The following ADAMTSL1 variants were observed in gnomAD, a reference collection of about 807,000 sequenced individuals.
The protein encoded by ADAMTSL1 is ADAMTS like 1.
In ADAMTSL1, 126 loss-of-function variants were observed where a neutral mutation model predicts 201.8. The observed-to-expected ratio is 0.62, with a 90% CI of 0.54 to 0.72. ADAMTSL1 has a LOEUF of 0.72. Among genes scored for constraint, ADAMTSL1 ranks in the 30% least tolerant of loss-of-function variants. The probability of loss-of-function intolerance (pLI) is 0.00; values close to 1 mark genes in which losing one functional copy is unlikely to be tolerated. For missense variants in ADAMTSL1, 2,679 were observed against 2,277.8 expected (o/e 1.18, Z -3.59); for synonymous variants, 1,121 against 903.4 (o/e 1.24, Z -4.32).
chr9:18,740,492 T>TTTTG (rs1564195531), intron 15 of ADAMTSL1, among the ~76,000 whole-genome samples: 2 of 140,434 alleles, frequency 1.4e-5, no homozygotes, highest in Non-Finnish European at 3.1e-5. Flanking sequence ...TTTTTTTTTT[T>TTTTG]TTTGAGAGGA....
intron 1 of ADAMTSL1, among the ~76,000 whole-genome samples, chr9:18,152,476 T>G (rs1182953264): frequency 1.3e-5 from 2 of 151,914 alleles, no homozygotes; most frequent in Non-Finnish European, 2.9e-5. Context: ...TTAAAAGAAT[T>G]GCAGGGCAAG....
chr9:18,484,019 T>C (rs2131821786), intron 1 of ADAMTSL1, among the ~76,000 whole-genome samples: 1 of 152,344 alleles, frequency 6.6e-6, no homozygotes, highest in Admixed American at 6.5e-5. Flanking sequence ...TGGTGATGTA[T>C]GTGTGAAAAT....
intron 17 of ADAMTSL1, among the ~76,000 whole-genome samples, chr9:18,775,275 T>C (rs531325391): frequency 5.9e-5 from 9 of 152,356 alleles, no homozygotes; most frequent in African/African-American, 2.2e-4. Context: ...AACTACCTAA[T>C]GCTTGACACT....
At chr9:18,765,178 T>A (rs1164764256) in intron 16 of ADAMTSL1, among the ~76,000 whole-genome samples, 1 of 152,214 alleles carries the variant, frequency 6.6e-6, no homozygotes, top group African/African-American at 2.4e-5. Context: ...ACAGAAGCTA[T>A]GTGCTTCATA....
chr9:18,023,495 G>T (rs535087471), intron 1 of ADAMTSL1, among the ~76,000 whole-genome samples: 3 of 152,288 alleles, frequency 2.0e-5, no homozygotes, highest in South Asian at 4.1e-4. Context: ...AGAACCCCAA[G>T]ATCAGCCACT....
chr9:18,096,721 A>G (rs1333894510), intron 1 of ADAMTSL1, among the ~76,000 whole-genome samples: 1 of 152,154 alleles, frequency 6.6e-6, no homozygotes, highest in Non-Finnish European at 1.5e-5. Context: ...TTGTATCATC[A>G]CCATCCAAAT....
In ADAMTSL1 at chr9:17,963,663, C is replaced by T. The variant is rs148664477; in HGVS notation, c.87+56741C>T. ...CAGCTTCCCGTTTTTTAATACGGTT[C>T]ACTTCATTATGTAACATCAAGTAGT... On this transcript the variant is annotated intron_variant, in intron 1 of 29. Transcript: ENST00000680146. 4.7e-3 allele frequency among the ~76,000 whole-genome samples: 718 copies of T among 152,204 alleles called. 7 individuals are homozygous for T. The highest frequency in any genetic ancestry group is 4.9e-3 in the Non-Finnish European group (333 of 68,018).
chr9:18,474,070 A>AC, upstream of ADAMTSL1: 25 of 499,740 alleles, frequency 5.0e-5, no homozygotes, highest in East Asian at 7.3e-5. Flanking sequence ...CTTACCCCCC[A>AC]CCCATCCACC....
intron 2 of ADAMTSL1, among the ~76,000 whole-genome samples, chr9:18,199,798 T>G (rs760901022): frequency 2.6e-5 from 4 of 152,154 alleles, no homozygotes; most frequent in Non-Finnish European, 4.4e-5. Context: ...TCTTCATTAT[T>G]GGTAAAATGT....
intron 2 of ADAMTSL1, among the ~76,000 whole-genome samples, chr9:18,434,488 G>A (rs974202674): frequency 6.6e-6 from 1 of 152,190 alleles, no homozygotes; most frequent in Non-Finnish European, 1.5e-5. Flanking sequence ...CTTTCTATTA[G>A]AGCAGGCAGG....
chr9:18,231,116 A>G (rs572507403), intron 2 of ADAMTSL1, among the ~76,000 whole-genome samples: 70 of 152,042 alleles, frequency 4.6e-4, no homozygotes, highest in African/African-American at 1.6e-3. Flanking sequence ...TTTTATTGCA[A>G]CCCCCGGGCT....
intron 25 of ADAMTSL1, among the ~76,000 whole-genome samples, chr9:18,891,170 C>T (rs546583831): frequency 3.9e-5 from 5 of 128,392 alleles, no homozygotes; most frequent in African/African-American, 1.2e-4. Context: ...CCAGATGTGG[C>T]GCCGCTTGGC....
intron 1 of ADAMTSL1, among the ~76,000 whole-genome samples, chr9:17,986,116 A>C (rs926766924): frequency 6.6e-6 from 1 of 152,154 alleles, no homozygotes; most frequent in Non-Finnish European, 1.5e-5. Context: ...ACACAGATTT[A>C]ATTGTCCTTG....
At chr9:18,368,891 G>A (rs931000831) in intron 2 of ADAMTSL1, among the ~76,000 whole-genome samples, 1 of 152,120 alleles carries the variant, frequency 6.6e-6, no homozygotes, top group Non-Finnish European at 1.5e-5. Flanking sequence ...ATTTTGTGAG[G>A]AAAGTATAAA....
chr9:18,689,742 T>C (rs764994077), intron 13 of ADAMTSL1, among the ~76,000 whole-genome samples: 3 of 152,198 alleles, frequency 2.0e-5, no homozygotes, highest in African/African-American at 4.8e-5. Context: ...GTGGCCAAGA[T>C]AGCAATTTTA....
chr9:18,666,052 C>A (rs1243340141), intron 9 of ADAMTSL1, among the ~76,000 whole-genome samples: 2 of 152,204 alleles, frequency 1.3e-5, no homozygotes, highest in East Asian at 3.9e-4. Flanking sequence ...ATTCTTGGTT[C>A]TCATTCTTCT....
intron 1 of ADAMTSL1, among the ~76,000 whole-genome samples, chr9:17,949,593 A>T (rs1345428953): frequency 6.6e-6 from 1 of 152,184 alleles, no homozygotes; most frequent in Non-Finnish European, 1.5e-5. Context: ...CCTCCAAGCC[A>T]GACCAGCCTA....
chr9:18,563,773 C>G (rs1564051974), intron 3 of ADAMTSL1, among the ~76,000 whole-genome samples: 1 of 152,326 alleles, frequency 6.6e-6, no homozygotes, highest in Admixed American at 6.5e-5. Context: ...GCGGTGGGCT[C>G]TGCCCAGTTC....
intron 2 of ADAMTSL1, among the ~76,000 whole-genome samples, chr9:18,262,513 A>G (rs1004292898): frequency 1.3e-4 from 20 of 152,224 alleles, no homozygotes; most frequent in African/African-American, 4.8e-4. Flanking sequence ...GGGATAGAGT[A>G]CCACTGAGCT....
Sources: allele counts gnomAD v4.1 joint callset (sites outside exome capture counted in the v4.1 genomes callset), GRCh38; gene constraint gnomAD v4.1.1; transcripts MANE v1.5; gene names NCBI Gene and HGNC (gene_info 2026-07-23, HGNC 2026-07-21).